OSBPL7: variants seen among roughly 807,000 people sequenced by gnomAD.
OSBPL7 encodes oxysterol-binding protein-related protein 7.
A neutral mutation model predicts 115.8 loss-of-function variants in OSBPL7; 66 were observed. The observed-to-expected ratio is 0.57, with a 90% CI of 0.47 to 0.70. The LOEUF (loss-of-function observed/expected upper bound fraction) is 0.70, where lower values mean the gene tolerates loss of function less well. Ranked by LOEUF, OSBPL7 falls within the 30% of genes least tolerant of loss-of-function variation. The pLI is 0.00. For synonymous variants in OSBPL7, 441 were observed against 439.2 expected, an observed-to-expected ratio of 1.00 and a Z score of -0.05; for missense variants, 902 against 1,125.5, an observed-to-expected ratio of 0.80 and a Z score of 2.84.
At chr17:47,819,859 T>C (rs2033342456) in intron 3 of OSBPL7, 77 bp from the exon 4 acceptor site, 1 of 1,609,442 alleles carries the variant, frequency 6.2e-7, no homozygotes, top group Admixed American at 1.7e-5. Flanking sequence ...CCACACAAAT[T>C]AGCTTTTCTT....
intron 4 of OSBPL7, 189 bp downstream of exon 4, chr17:47,819,540 G>T: frequency 1.5e-6 from 1 of 673,972 alleles, no homozygotes. Context: ...GCACCTGGGG[G>T]ATGGTGCTCT....
intron 12 of OSBPL7, chr17:47,815,613 C>G: frequency 2.0e-6 from 1 of 504,520 alleles, no homozygotes. Context: ...GAGCCCCACT[C>G]CAAGCCCTCT....
chr17:47,820,399 C>T (rs1023767343), intron 1 of OSBPL7, 34 bp from the exon 2 acceptor site: 2 of 920,680 alleles, frequency 2.2e-6, no homozygotes, highest in East Asian at 2.6e-5. Context: ...TTAACGCAAA[C>T]TCTGCTATCA....
Position 47,810,890 on chromosome 17 carries a change from C to T in OSBPL7, c.1738-55G>A, listed in dbSNP as rs1018170059. On this transcript the variant is annotated intron_variant, in intron 16 of 22. Transcript: ENST00000007414. ...TGTCCCCGAGCACCATTAGGCTACCCCAAAGTCCCTTATTCCCACCCCTAG... is the reference window on the plus strand; with the variant it reads ...TGTCCCCGAGCACCATTAGGCTACCTCAAAGTCCCTTATTCCCACCCCTAG... 217 of 1,550,446 alleles carry T rather than the reference C, an allele frequency of 1.4e-4. 1 individual carries two copies. In the Middle Eastern group the frequency reaches 2.0e-3, roughly 14 times the overall value.
At chr17:47,809,278 C>T in intron 19 of OSBPL7, 56 bp downstream of exon 19, 6 of 1,611,536 alleles carry the variant, frequency 3.7e-6, no homozygotes, top group South Asian at 1.1e-5. Context: ...CCAGGGTGAC[C>T]TCCAGAGACA....
At chr17:47,811,636 G>A (rs2033044680) in intron 16 of OSBPL7, among the ~76,000 whole-genome samples, 2 of 152,292 alleles carry the variant, frequency 1.3e-5, no homozygotes, top group South Asian at 4.1e-4. Flanking sequence ...CCAGGCACAA[G>A]CCAGGCCCTT....
At chr17:47,815,677 A>C in intron 12 of OSBPL7, 1 of 346,856 alleles carries the variant, frequency 2.9e-6, no homozygotes, top group Non-Finnish European at 5.3e-6. Context: ...AGGTGCAATT[A>C]TCACCCCCAC....
chr17:47,816,992 C>T lies in OSBPL7; in HGVS notation c.703-120G>A, dbSNP rs144856271. On this transcript the variant is annotated intron_variant, in intron 8 of 22. Transcript: ENST00000007414. This position sits in a 1 kb window ranked among gnomAD's most constrained non-coding sequence, Gnocchi z 5.8. ...ATGGAGGAGGGCGCAGATTACCCAG[C>T]ACAGAGGATGCGGCCGCTCAGGCAG... 823 of 1,001,466 alleles carry T rather than the reference C, an allele frequency of 8.2e-4. 3 individuals are homozygous for T. The African/African-American group carries it at 0.012, about 15-fold the overall frequency. The allele number at this position is 1,001,466 out of a possible 1,614,324, so 62.0% of individuals were successfully genotyped here. A position where few individuals can be genotyped will look rare whatever the true frequency, so the allele number is the denominator to read the frequency against.
rs1660442353 is a variant in OSBPL7 at position 47,816,325 on chromosome 17, G to A, written c.1023+63C>T. On this transcript the variant is annotated intron_variant, in intron 11 of 22. Transcript: ENST00000007414. This position sits in a 1 kb window ranked among gnomAD's most constrained non-coding sequence, Gnocchi z 5.8. The stretch of plus-strand genomic sequence containing the variant: ...GACCCAGATCTGCTATCGGACCCCA[G>A]GCTGGCAGTCCTCAGCTTGAAGCCC... The A allele has an allele frequency of 1.3e-6, 2 of 1,485,012 alleles. No individual in the cohort carries two copies. The highest frequency in any genetic ancestry group is 1.3e-5 in the South Asian group (1 of 74,776). 92.0% of individuals were successfully genotyped at this position (1,485,012 alleles called of 1,614,324 possible). A position where few individuals can be genotyped will look rare whatever the true frequency, so the allele number is the denominator to read the frequency against.
chr17:47,810,614 T>C lies in OSBPL7; in HGVS notation c.1860A>G (p.Thr620=). 6.2e-7 allele frequency: 1 copy of C among 1,614,158 alleles called. No individual in the cohort carries two copies. The highest frequency in any genetic ancestry group is 8.5e-7 in the Non-Finnish European group (1 of 1,180,000). ...GKSLEIVPVG[T]VNVSLPRFGD... is the part of the protein sequence containing the mutation. ...CCCACCTGGGCAGGCTGACGTTGAC[T>C]GTTCCCACAGGCACAATCTCCAGGG... The change falls in exon 18 of 23, where the codon ACA becomes ACG. Residue 620 remains threonine (T), a synonymous_variant. Coordinates refer to ENST00000007414, the MANE Select transcript of OSBPL7 (RefSeq NM_145798.3).
At chr17:47,815,020 T>C in intron 13 of OSBPL7, 195 bp downstream of exon 13, 2 of 709,100 alleles carry the variant, frequency 2.8e-6, no homozygotes, top group Non-Finnish European at 2.3e-6. Context: ...AATGTCACAC[T>C]CCTCTAGGAG....
In OSBPL7 at chr17:47,813,781, C is replaced by T. The variant is rs769827085; in HGVS notation, c.1405G>A (p.Ala469Thr). The change falls in exon 15 of 23, where the codon GCG (alanine) becomes ACG (threonine). Residue 469 changes from alanine to threonine, a missense_variant. Coordinates refer to ENST00000007414, the MANE Select transcript of OSBPL7 (RefSeq NM_145798.3). ...ACGTCAGCCCCAGGCCCGCTGGCCG[C>T]CGGCAGGCAGCGACGGCGGGGTGGC... ...MGPPRRRCLP[A>T]ASGPGADVSL... 6.2e-7 allele frequency: 1 copy of T among 1,612,926 alleles called. No individual in the cohort carries two copies. The highest frequency in any genetic ancestry group is 8.5e-7 in the Non-Finnish European group (1 of 1,179,876).
At position 47,820,216 on chromosome 17, in the gene OSBPL7, G is replaced by A. The variant is rs73985406; in HGVS notation, c.63C>T (p.Ser21=). 2,344 of 1,614,052 alleles carry A rather than the reference G, an allele frequency of 1.5e-3. 35 individuals carry two copies. The African/African-American group carries it at 0.027, about 19-fold the overall frequency. Residue 21 remains serine (S), a synonymous_variant, in exon 2 of 23, where the codon AGC becomes AGT. Coordinates refer to ENST00000007414, the MANE Select transcript of OSBPL7 (RefSeq NM_145798.3). ...LPESAQSSKP[S]SAQQASELWE... Reference sequence around the variant, plus strand: ...CCCACTCTCTGACCTGCTGAGCACTGCTGGGCTTTGAGGACTGAGCGCTCT... The same window carrying A: ...CCCACTCTCTGACCTGCTGAGCACTACTGGGCTTTGAGGACTGAGCGCTCT...
chr17:47,809,424 C>G lies in OSBPL7; in HGVS notation c.1935G>C (p.Leu645=). The change falls in exon 19 of 23, where the codon CTG becomes CTC. Residue 645 remains leucine (L), a synonymous_variant. Coordinates refer to ENST00000007414, the MANE Select transcript of OSBPL7 (RefSeq NM_145798.3). ...NKVTSCIHNV[L]SGQRWIEHYG... ...AGTGCTCGATCCAGCGCTGACCACT[C>G]AGGACATTGTGAATGCAGGATGTCA... 1 of 1,614,066 alleles carries G rather than the reference C, an allele frequency of 6.2e-7. No individual in the cohort carries two copies. The highest frequency in any genetic ancestry group is 8.5e-7 in the Non-Finnish European group (1 of 1,179,926).
chr17:47,809,586 C>T (rs1446116017), intron 18 of OSBPL7, 108 bp from the exon 19 acceptor site: 6 of 1,314,638 alleles, frequency 4.6e-6, no homozygotes, highest in African/African-American at 1.5e-5. Flanking sequence ...GACAGGAACC[C>T]TGGGGTCCCA....
chr17:47,811,456 T>C (rs9674817), intron 16 of OSBPL7, among the ~76,000 whole-genome samples: 123,759 of 152,036 alleles, frequency 0.81, 51,358 homozygotes, highest in Middle Eastern at 0.95. Context: ...AGCTAATACC[T>C]TCAGCCACCT....
Position 47,808,637 on chromosome 17 carries a change from T to C in OSBPL7, c.2321A>G (p.Gln774Arg). 1 of 1,614,196 alleles carries C rather than the reference T, an allele frequency of 6.2e-7. No homozygotes were observed. The highest frequency in any genetic ancestry group is 8.5e-7 in the Non-Finnish European group (1 of 1,180,024). Residue 774 changes from glutamine (Q) to arginine (R), a missense_variant, in exon 22 of 23, where the codon CAG becomes CGG. Gln to Arg is a conservative substitution (Grantham distance 43). Coordinates refer to ENST00000007414, the MANE Select transcript of OSBPL7 (RefSeq NM_145798.3). The surrounding 1 kb of genome is among the most constrained non-coding windows in gnomAD (Gnocchi z 6.1). ...CCTTCTCTTCTGGGCCTCAGCGGCC[T>C]GTATGTTCCCCTCCTCCAGGTACCT... ...DQRYLEEGNI[Q>R]AAEAQKRRIE...
intron 14 of OSBPL7, 52 bp from the exon 15 acceptor site, chr17:47,813,886 C>A: frequency 6.5e-7 from 1 of 1,548,576 alleles, no homozygotes; most frequent in Non-Finnish European, 8.7e-7. Flanking sequence ...GCATCCCAGA[C>A]ATGGCAAGCC....
Position 47,808,625 on chromosome 17 carries a change from G to T in OSBPL7, c.2333C>A (p.Ala778Asp), listed in dbSNP as rs1274965233. 1 of 1,614,084 alleles carries T rather than the reference G, an allele frequency of 6.2e-7. No individual in the cohort carries two copies. Among genetic ancestry groups the T allele is most frequent in the Non-Finnish European group, 8.5e-7 (1 of 1,180,038 alleles). Residue 778 changes from alanine (A) to aspartate (D), a missense_variant, in exon 22 of 23, where the codon GCC (alanine) becomes GAC (aspartate). By Grantham distance (126) the Ala-to-Asp change is moderately radical. This residue lies in a region of OSBPL7 where 230 missense variants were observed against 312.7 expected (regional missense o/e 0.74). Transcript: ENST00000007414. This position sits in a 1 kb window ranked among gnomAD's most constrained non-coding sequence, Gnocchi z 6.1. ...CAGCTGCTCGATCCTTCTCTTCTGGGCCTCAGCGGCCTGTATGTTCCCCTC... is the reference window on the plus strand; with the variant it reads ...CAGCTGCTCGATCCTTCTCTTCTGGTCCTCAGCGGCCTGTATGTTCCCCTC... ...LEEGNIQAAE[A>D]QKRRIEQLQR...
Sources: allele counts gnomAD v4.1 joint callset (sites outside exome capture counted in the v4.1 genomes callset), GRCh38; gene constraint gnomAD v4.1.1; regional missense constraint gnomAD v4.1.1; non-coding constraint Gnocchi (gnomAD v3.1); transcripts MANE v1.5; gene names NCBI Gene and HGNC (gene_info 2026-07-23, HGNC 2026-07-21).